Variants in CFAP20DC observed in about 807,000 individuals in gnomAD.
The protein encoded by CFAP20DC is protein CFAP20DC.
CFAP20DC carries 84 observed loss-of-function variants against 101.7 expected under a neutral mutation model. The ratio of observed to expected loss-of-function variants is 0.83; its 90% CI spans 0.69 to 0.99. The LOEUF (loss-of-function observed/expected upper bound fraction) is 0.99. CFAP20DC is among the 50% of genes least tolerant of loss of function. The pLI, the probability that CFAP20DC is intolerant of heterozygous loss-of-function variation, is 0.00. For missense variants in CFAP20DC, 1,007 were observed against 970.3 expected, an observed-to-expected ratio of 1.04 and a Z score of -0.50; for synonymous variants, 359 against 351.2, an observed-to-expected ratio of 1.02 and a Z score of -0.25.
intron 4 of CFAP20DC, among the ~76,000 whole-genome samples, chr3:58,950,302 G>T (rs2108021357): frequency 1.3e-5 from 2 of 152,252 alleles, no homozygotes; most frequent in South Asian, 4.2e-4. Flanking sequence ...TCATGGGTAG[G>T]AAGAATCAAT....
rs1203388865 is a variant in CFAP20DC at position 58,769,238 on chromosome 3, G to GTGCC, written c.2238-15379_2238-15376dup. ...TCCTCCTCTGATCTTCATTGGCTGA[G>GTGCC]TGCCATCAGAAGCCAGAGGACAAGG... is the stretch of plus-strand genomic sequence containing the variant. On this transcript the variant is annotated intron_variant, in intron 15 of 16. Coordinates refer to ENST00000482387, the MANE Select transcript of CFAP20DC (RefSeq NM_001394063.1). Among the ~76,000 whole-genome samples, 3 of 152,316 alleles carry GTGCC rather than the reference G, an allele frequency of 2.0e-5. No homozygotes were observed. In the East Asian group the frequency reaches 5.8e-4, roughly 29 times the overall value.
intron 12 of CFAP20DC, among the ~76,000 whole-genome samples, chr3:58,856,676 C>A (rs1456413321): frequency 6.6e-6 from 1 of 152,044 alleles, no homozygotes; most frequent in Non-Finnish European, 1.5e-5. Flanking sequence ...GTGACTCTTG[C>A]AATTTTTTTT....
chr3:58,834,353 G>T (rs1039408744), intron 13 of CFAP20DC, among the ~76,000 whole-genome samples: 1 of 152,074 alleles, frequency 6.6e-6, no homozygotes, highest in Admixed American at 6.5e-5. Flanking sequence ...GTGTCACATA[G>T]GTATGTTAGT....
intron 3 of CFAP20DC, among the ~76,000 whole-genome samples, chr3:58,730,951 T>G (rs915139463): frequency 6.6e-6 from 1 of 152,166 alleles, no homozygotes; most frequent in African/African-American, 2.4e-5. Context: ...GCCTCTGTGG[T>G]CAAGAGGTCC....
intron 16 of CFAP20DC, 145 bp downstream of exon 16, chr3:58,753,624 T>C (rs1027238265): frequency 6.5e-6 from 4 of 614,088 alleles, no homozygotes; most frequent in African/African-American, 1.9e-5. Context: ...TTCTAAAAAA[T>C]GAGGCTCAGG....
Position 59,002,743 on chromosome 3 carries a change from A to G in CFAP20DC, c.278+36814T>C, listed in dbSNP as rs1179463676. 6.6e-6 allele frequency among the ~76,000 whole-genome samples: 1 copy of G among 152,208 alleles called. No individual in the cohort carries two copies. The highest frequency in any genetic ancestry group is 1.5e-5 in the Non-Finnish European group (1 of 68,030). ...CTTCAACTTTCTTCCTCACTCAAAG[A>G]GATGTTATTTTAAGTAAATATAAAA... On this transcript the variant is annotated intron_variant, in intron 4 of 16. Coordinates refer to ENST00000482387, the MANE Select transcript of CFAP20DC (RefSeq NM_001394063.1). This position sits in a 1 kb window ranked among gnomAD's most constrained non-coding sequence, Gnocchi z 4.5.
chr3:59,039,749 T>A, intron 3 of CFAP20DC, 120 bp from the exon 4 acceptor site: 1 of 550,014 alleles, frequency 1.8e-6, no homozygotes, highest in Non-Finnish European at 3.1e-6. Context: ...TACATAGAAC[T>A]GCAAATAGCA....
In CFAP20DC at chr3:59,006,340, T is replaced by C. The variant is rs2093433441; in HGVS notation, c.278+33217A>G. ...ATGTGCACCTCTCACTTGGAGAGAC[T>C]GAATAATGTGTGGAGACTCACACCA... On this transcript the variant is annotated intron_variant, in intron 4 of 16. Transcript: ENST00000482387. This position sits in a 1 kb window ranked among gnomAD's most constrained non-coding sequence, Gnocchi z 4.3. Among the ~76,000 whole-genome samples, 1 of 152,190 alleles carries C rather than the reference T, an allele frequency of 6.6e-6. No homozygotes were observed. The highest frequency in any genetic ancestry group is 2.1e-4 in the South Asian group (1 of 4,828).
chr3:58,819,869 T>A (rs1398914936), intron 14 of CFAP20DC, among the ~76,000 whole-genome samples: 1 of 148,598 alleles, frequency 6.7e-6, no homozygotes, highest in South Asian at 2.2e-4. Flanking sequence ...ATATCCTTGA[T>A]GAACATTGAT....
intron 15 of CFAP20DC, among the ~76,000 whole-genome samples, chr3:58,782,460 G>A (rs1300143339): frequency 2.0e-5 from 3 of 151,882 alleles, no homozygotes; most frequent in African/African-American, 7.2e-5. Context: ...AAAAAATAAA[G>A]GCATCTAAAT....
intron 7 of CFAP20DC, among the ~76,000 whole-genome samples, chr3:58,872,360 C>T (rs973865911): frequency 4.0e-5 from 6 of 150,356 alleles, no homozygotes; most frequent in Non-Finnish European, 8.8e-5. Flanking sequence ...GGATTAAAAA[C>T]CACTCCTATG....
At chr3:59,010,410 T>A (rs1337983730) in intron 4 of CFAP20DC, among the ~76,000 whole-genome samples, 1 of 152,066 alleles carries the variant, frequency 6.6e-6, no homozygotes, top group Non-Finnish European at 1.5e-5. Flanking sequence ...AAGTAGCTAT[T>A]CTTTTATCAG....
chr3:58,889,591 T>G (rs2081980201), intron 6 of CFAP20DC, among the ~76,000 whole-genome samples: 1 of 149,598 alleles, frequency 6.7e-6, no homozygotes. Context: ...TCTTGGGTGT[T>G]TCTCACAGAG....
At chr3:58,760,569 A>G (rs1173247360) in intron 15 of CFAP20DC, among the ~76,000 whole-genome samples, 1 of 152,052 alleles carries the variant, frequency 6.6e-6, no homozygotes, top group African/African-American at 2.4e-5. Context: ...TTCCAACACT[A>G]TGTTGAATAG....
intron 4 of CFAP20DC, among the ~76,000 whole-genome samples, chr3:58,993,469 T>C (rs879075176): frequency 1.3e-5 from 2 of 152,080 alleles, no homozygotes; most frequent in South Asian, 4.2e-4. Flanking sequence ...GTGCAGAGTG[T>C]GTGTTTGTTA....
At chr3:58,890,430 G>A (rs1394112817) in intron 6 of CFAP20DC, among the ~76,000 whole-genome samples, 81 of 142,622 alleles carry the variant, frequency 5.7e-4, no homozygotes, top group African/African-American at 1.9e-3. Flanking sequence ...CTGGCCGGGC[G>A]GGGGGGCTGA....
At chr3:58,831,601 C>A in intron 14 of CFAP20DC, 85 bp downstream of exon 14, 1 of 1,206,916 alleles carries the variant, frequency 8.3e-7, no homozygotes, top group South Asian at 1.4e-5. Flanking sequence ...TTGGTCCTGG[C>A]TTTTCCAGGC....
intron 1 of CFAP20DC, among the ~76,000 whole-genome samples, chr3:59,048,745 G>A (rs1324293746): frequency 6.6e-6 from 1 of 152,190 alleles, no homozygotes; most frequent in Non-Finnish European, 1.5e-5. Context: ...GAGACGGGTA[G>A]AGAACTGATT....
downstream of CFAP20DC, among the ~76,000 whole-genome samples, chr3:58,739,083 A>AT (rs140166292): frequency 0.025 from 3,836 of 152,324 alleles, 168 homozygotes; most frequent in African/African-American, 0.085. Flanking sequence ...TCAAGAAAAT[A>AT]TAATAGGGCA....
Sources: allele counts gnomAD v4.1 joint callset (sites outside exome capture counted in the v4.1 genomes callset), GRCh38; gene constraint gnomAD v4.1.1; non-coding constraint Gnocchi (gnomAD v3.1); transcripts MANE v1.5; gene names NCBI Gene and HGNC (gene_info 2026-07-23, HGNC 2026-07-21).